NDRG3: variants seen among roughly 807,000 people sequenced by gnomAD.
NDRG3 encodes NDRG family member 3, also known as protein NDRG3.
NDRG3 carries 23 observed loss-of-function variants against 57.2 expected under a neutral mutation model. That is an observed-to-expected ratio of 0.40 (90% confidence interval 0.29 to 0.57). The LOEUF (loss-of-function observed/expected upper bound fraction) is 0.57. Ranked by LOEUF, NDRG3 falls within the 20% of genes least tolerant of loss-of-function variation. NDRG3 has a pLI of 0.42. For missense variants in NDRG3, 384 were observed against 457.3 expected (o/e 0.84, Z 1.46); for synonymous variants, 132 against 162.6 (o/e 0.81, Z 1.43).
rs895436152 is a variant in NDRG3 at position 36,676,739 on chromosome 20, G to A, written c.531+4077C>T. 4.6e-5 allele frequency among the ~76,000 whole-genome samples: 7 copies of A among 152,356 alleles called. No individual in the cohort carries two copies. The East Asian group carries it at 1.4e-3, about 29-fold the overall frequency. On this transcript the variant is annotated intron_variant, in intron 8 of 15. Transcript: ENST00000349004. Reference sequence around the variant, plus strand: ...CCGCCTCCCAAAGTGCTGGGATAATGGGCGTAAGCCACGTGCCTGGCCTAA... The same window carrying A: ...CCGCCTCCCAAAGTGCTGGGATAATAGGCGTAAGCCACGTGCCTGGCCTAA...
chr20:36,697,236 G>A (rs1172881905), intron 3 of NDRG3, among the ~76,000 whole-genome samples: 1 of 152,090 alleles, frequency 6.6e-6, no homozygotes, highest in Non-Finnish European at 1.5e-5. Context: ...AAAGCTTAGG[G>A]GTTTGCAAGT....
chr20:36,679,654 C>T (rs184729716), intron 8 of NDRG3, among the ~76,000 whole-genome samples: 48 of 151,832 alleles, frequency 3.2e-4, no homozygotes, highest in African/African-American at 1.1e-3. Flanking sequence ...CAGGCACCCA[C>T]CACCACGCCC....
At chr20:36,677,126 G>T (rs1307217403) in intron 8 of NDRG3, among the ~76,000 whole-genome samples, 2 of 152,166 alleles carry the variant, frequency 1.3e-5, no homozygotes, top group African/African-American at 4.8e-5. Flanking sequence ...ACAAGCGGGA[G>T]CCGGGCCCCT....
In NDRG3 at chr20:36,739,145, A is replaced by T. The variant is rs1379606457; in HGVS notation, c.-49+6900T>A. On this transcript the variant is annotated intron_variant, in intron 1 of 15. Transcript: ENST00000349004. Reference sequence around the variant, plus strand: ...ACGAGACCCCATCTCAAAAAAAAAAAAAAAAAAAAAAAAAAAAAAAAGGCC... The same window carrying T: ...ACGAGACCCCATCTCAAAAAAAAAATAAAAAAAAAAAAAAAAAAAAAGGCC... 3.5e-4 allele frequency among the ~76,000 whole-genome samples: 47 copies of T among 135,930 alleles called. 1 individual carries two copies. The East Asian group carries it at 7.3e-3, about 21-fold the overall frequency. The allele number at this position is 135,930 out of a possible 152,430, so 89.2% of individuals were successfully genotyped here. A position where few individuals can be genotyped will look rare whatever the true frequency, so the allele number is the denominator to read the frequency against.
intron 2 of NDRG3, among the ~76,000 whole-genome samples, chr20:36,709,426 G>T (rs1983742827): frequency 6.6e-6 from 1 of 152,202 alleles, no homozygotes. Flanking sequence ...GACTGCAGAT[G>T]CCACTGAGAA....
intron 3 of NDRG3, among the ~76,000 whole-genome samples, chr20:36,694,847 T>A (rs1179625504): frequency 6.6e-6 from 1 of 152,090 alleles, no homozygotes; most frequent in Admixed American, 6.6e-5. Flanking sequence ...ATTCTCCACC[T>A]CTCAGGCTCA....
At chr20:36,680,051 C>T (rs1415956477) in intron 8 of NDRG3, among the ~76,000 whole-genome samples, 3 of 147,756 alleles carry the variant, frequency 2.0e-5, no homozygotes, top group African/African-American at 2.5e-5. Flanking sequence ...CTCAAACTCC[C>T]GACCTCAGGT....
intron 12 of NDRG3, among the ~76,000 whole-genome samples, 157 bp from the exon 13 acceptor site, chr20:36,660,541 T>C (rs1366864230): frequency 6.8e-6 from 1 of 147,370 alleles, no homozygotes; most frequent in East Asian, 1.9e-4. Flanking sequence ...GGGAGATATA[T>C]TTATTTATTT....
chr20:36,735,471 T>C (rs186435940), intron 1 of NDRG3, among the ~76,000 whole-genome samples: 53 of 152,322 alleles, frequency 3.5e-4, no homozygotes, highest in Non-Finnish European at 5.0e-4. Flanking sequence ...CTCTGAAGGA[T>C]TGAATGCTGC....
chr20:36,676,997 CT>C (rs1980787299), intron 8 of NDRG3, among the ~76,000 whole-genome samples: 1 of 152,254 alleles, frequency 6.6e-6, no homozygotes, highest in Non-Finnish European at 1.5e-5. Context: ...CTCAGCCTCC[CT>C]GTGCTCTTGG....
intron 5 of NDRG3, among the ~76,000 whole-genome samples, chr20:36,684,813 C>G (rs1356874252): frequency 6.6e-6 from 1 of 151,070 alleles, no homozygotes; most frequent in East Asian, 1.9e-4. Flanking sequence ...CATGCCATTG[C>G]ACTCCAGCCT....
At chr20:36,707,596 G>A (rs1221765166) in intron 2 of NDRG3, among the ~76,000 whole-genome samples, 3 of 152,088 alleles carry the variant, frequency 2.0e-5, no homozygotes, top group Admixed American at 6.6e-5. Context: ...CTATGAAATC[G>A]CTGATAGGGA....
intron 3 of NDRG3, among the ~76,000 whole-genome samples, chr20:36,699,819 C>G (rs1156885966): frequency 6.6e-6 from 1 of 151,656 alleles, no homozygotes; most frequent in Non-Finnish European, 1.5e-5. Context: ...AAAGACAATA[C>G]TTTAAAAGTA....
At position 36,725,018 on chromosome 20, in the gene NDRG3, G is replaced by A. The variant is rs187200783; in HGVS notation, c.-48-3235C>T. Among the ~76,000 whole-genome samples the A allele has an allele frequency of 3.1e-3, 475 of 152,170 alleles. 3 individuals are homozygous for A. Among genetic ancestry groups the A allele is most frequent in the African/African-American group, 0.011 (440 of 41,522 alleles). ...ACTTTAGAAAATATGAAAATCGGCCGGGCGCAGTGGCTCACGCCTGTAATC... is the reference window on the plus strand; with the variant it reads ...ACTTTAGAAAATATGAAAATCGGCCAGGCGCAGTGGCTCACGCCTGTAATC... On this transcript the variant is annotated intron_variant, in intron 1 of 15. Transcript: ENST00000349004.
At chr20:36,714,937 T>C (rs957500037) in intron 2 of NDRG3, among the ~76,000 whole-genome samples, 1 of 144,312 alleles carries the variant, frequency 6.9e-6, no homozygotes, top group African/African-American at 2.6e-5. Context: ...CAAGTAGAAA[T>C]CTGTTCAAAC....
intron 2 of NDRG3, among the ~76,000 whole-genome samples, chr20:36,720,733 T>A (rs1432586354): frequency 6.6e-6 from 1 of 152,028 alleles, no homozygotes; most frequent in Non-Finnish European, 1.5e-5. Flanking sequence ...GACACTTGGA[T>A]TCTGAGTCAA....
rs142640088 is a variant in NDRG3 at position 36,671,262 on chromosome 20, G to A, written c.588+79C>T. ...CTAGGATCAGGTAAATTCTAAGGCA[G>A]CCCTTCTTTCCTAAGGTAAAATAAG... On this transcript the variant is annotated intron_variant, in intron 9 of 15. Transcript: ENST00000349004. The A allele has an allele frequency of 6.1e-5, 72 of 1,183,380 alleles. No homozygotes were observed. The African/African-American group carries it at 1.0e-3, about 17-fold the overall frequency. The allele number at this position is 1,183,380 out of a possible 1,614,324, so 73.3% of individuals were successfully genotyped here. A position where few individuals can be genotyped will look rare whatever the true frequency, so the allele number is the denominator to read the frequency against.
intron 1 of NDRG3, among the ~76,000 whole-genome samples, chr20:36,740,588 C>T (rs562973682): frequency 4.6e-5 from 7 of 152,278 alleles, no homozygotes; most frequent in East Asian, 1.9e-4. Context: ...GTGATCCGCC[C>T]GCCTCGGACT....
In NDRG3 at chr20:36,671,226, A is replaced by AGTGGAAGTACATC; in HGVS notation, c.588+114_588+115insGATGTACTTCCAC. ...CACATGCCTTTCAGACTACATTGGA[A>AGTGGAAGTACATC]CTGTTACTTGCTAGGATCAGGTAAA... On this transcript the variant is annotated intron_variant, in intron 9 of 15. Transcript: ENST00000349004. 3 of 825,802 alleles carry AGTGGAAGTACATC rather than the reference A, an allele frequency of 3.6e-6. No homozygotes were observed. In the South Asian group the frequency reaches 4.7e-5, roughly 13 times the overall value. 51.2% of individuals were successfully genotyped at this position (825,802 alleles called of 1,614,324 possible).
Sources: allele counts gnomAD v4.1 joint callset (sites outside exome capture counted in the v4.1 genomes callset), GRCh38; gene constraint gnomAD v4.1.1; transcripts MANE v1.5; gene names NCBI Gene and HGNC (gene_info 2026-07-23, HGNC 2026-07-21).